The following KCNMA1 variants were observed in gnomAD, a reference collection of about 807,000 sequenced individuals.
The protein encoded by KCNMA1 is Calcium-activated potassium channel subunit alpha-1.
A neutral mutation model predicts 140.0 loss-of-function variants in KCNMA1; 29 were observed. The observed-to-expected ratio is 0.21, with a 90% CI of 0.15 to 0.28. The LOEUF (loss-of-function observed/expected upper bound fraction) is 0.28, where lower values mean the gene tolerates loss of function less well. Among genes scored for constraint, KCNMA1 ranks in the 10% least tolerant of loss-of-function variants. The pLI is 1.00. For missense variants in KCNMA1, 880 were observed against 1,602.2 expected (o/e 0.55, Z 7.70); for synonymous variants, 612 against 611.9 (o/e 1.00, Z 0.00).
intron 1 of KCNMA1, among the ~76,000 whole-genome samples, chr10:77,541,879 T>C (rs988386197): frequency 6.6e-6 from 1 of 152,138 alleles, no homozygotes; most frequent in Non-Finnish European, 1.5e-5. Context: ...CAGCCAGAGT[T>C]GAGAACAACT....
At chr10:77,088,565 G>C (rs2096746373) in intron 10 of KCNMA1, among the ~76,000 whole-genome samples, 1 of 152,006 alleles carries the variant, frequency 6.6e-6, no homozygotes, top group African/African-American at 2.4e-5. Flanking sequence ...GAGTAGCGAG[G>C]GCTACAGGCA....
chr10:77,350,023 C>T lies in KCNMA1; in HGVS notation c.540+53839G>A, dbSNP rs187593715. On this transcript the variant is annotated intron_variant, in intron 2 of 27. Transcript: ENST00000286628. ...AAGCGATTCTCCTGCTTCAGCCTCC[C>T]GAGTAGCTGGGACTACAGGCGCCTG... is the stretch of plus-strand genomic sequence containing the variant. 2.2e-3 allele frequency among the ~76,000 whole-genome samples: 333 copies of T among 152,226 alleles called. 1 individual carries two copies. Among genetic ancestry groups the T allele is most frequent in the African/African-American group, 7.0e-3 (291 of 41,528 alleles).
intron 1 of KCNMA1, among the ~76,000 whole-genome samples, chr10:77,440,061 C>T (rs1408557763): frequency 6.6e-6 from 1 of 152,194 alleles, no homozygotes; most frequent in Non-Finnish European, 1.5e-5. Flanking sequence ...GACACCATAG[C>T]TTCTCCACCA....
chr10:77,312,977 C>T (rs1380608877), intron 2 of KCNMA1, among the ~76,000 whole-genome samples: 6 of 152,146 alleles, frequency 3.9e-5, no homozygotes, highest in Admixed American at 2.6e-4. Context: ...GACACACGGC[C>T]ACTCTCACAA....
At chr10:77,606,658 T>C (rs2084648731) in intron 1 of KCNMA1, among the ~76,000 whole-genome samples, 1 of 152,092 alleles carries the variant, frequency 6.6e-6, no homozygotes, top group South Asian at 2.1e-4. Context: ...AAGACGTCTG[T>C]ATCTGGCAGT....
At chr10:77,019,981 T>C (rs1444285330) in intron 16 of KCNMA1, 1 of 152,132 alleles carries the variant, frequency 6.6e-6, no homozygotes, top group Non-Finnish European at 1.5e-5. Flanking sequence ...ATCTAATAAA[T>C]GGATGAAACA....
chr10:77,600,798 C>G (rs1436405022), intron 1 of KCNMA1, among the ~76,000 whole-genome samples: 1 of 152,128 alleles, frequency 6.6e-6, no homozygotes. Context: ...CATGCACACA[C>G]ACACATACAC....
At chr10:77,383,330 G>A (rs920304757) in intron 2 of KCNMA1, among the ~76,000 whole-genome samples, 4 of 151,776 alleles carry the variant, frequency 2.6e-5, no homozygotes, top group African/African-American at 9.7e-5. Flanking sequence ...TGAAATAAAT[G>A]TGCAGGTGTG....
chr10:77,370,864 CA>C (rs1238692727), intron 2 of KCNMA1, among the ~76,000 whole-genome samples: 1 of 152,194 alleles, frequency 6.6e-6, no homozygotes, highest in Non-Finnish European at 1.5e-5. Context: ...CCCTCTACTT[CA>C]CAGGGTTGTT....
chr10:77,239,554 G>A (rs1387867478), intron 3 of KCNMA1, among the ~76,000 whole-genome samples: 1 of 152,222 alleles, frequency 6.6e-6, no homozygotes, highest in Non-Finnish European at 1.5e-5. Context: ...TCCTGAGAGT[G>A]TCCTGATAGG....
At chr10:77,115,763 T>C (rs549523180) in intron 6 of KCNMA1, among the ~76,000 whole-genome samples, 81 of 152,362 alleles carry the variant, frequency 5.3e-4, no homozygotes, top group African/African-American at 1.9e-3. Flanking sequence ...TCATTGTTGC[T>C]AAAACAGTCC....
intron 1 of KCNMA1, 189 bp downstream of exon 1, chr10:77,637,075 AC>A: frequency 7.5e-7 from 1 of 1,342,250 alleles, no homozygotes; most frequent in Non-Finnish European, 9.8e-7. Context: ...GCAACTCCTC[AC>A]CCCCGGCGCG....
chr10:77,148,957 G>A (rs2098367376), intron 5 of KCNMA1, among the ~76,000 whole-genome samples: 2 of 152,152 alleles, frequency 1.3e-5, no homozygotes, highest in Admixed American at 6.5e-5. Context: ...AGTTCCTTCT[G>A]TTTCCTGCAA....
In KCNMA1 at chr10:76,877,964, T is replaced by C. The variant is rs541566165; in HGVS notation, c.3428-74A>G. 2.5e-5 allele frequency: 37 copies of C among 1,481,704 alleles called. 1 individual carries two copies. The Middle Eastern group carries it at 1.0e-3, about 41-fold the overall frequency. The allele number at this position is 1,481,704 out of a possible 1,614,324, so 91.8% of individuals were successfully genotyped here. On this transcript the variant is annotated intron_variant, in intron 29 of 29. Transcript: ENST00000372403. The stretch of plus-strand genomic sequence containing the variant: ...TTAATTAGTCCTAGGGTAAAGCCTT[T>C]GGAAAGTTCATTGAAAAACGCAAAA...
intron 1 of KCNMA1, among the ~76,000 whole-genome samples, chr10:77,472,976 C>G (rs1567034576): frequency 1.3e-5 from 2 of 152,168 alleles, no homozygotes; most frequent in Admixed American, 6.5e-5. Flanking sequence ...AAACCAAAAC[C>G]CAAATGTGCA....
intron 25 of KCNMA1, among the ~76,000 whole-genome samples, chr10:76,893,663 C>A (rs2041213911): frequency 6.6e-6 from 1 of 152,132 alleles, no homozygotes; most frequent in East Asian, 1.9e-4. Context: ...TTACTTGAAC[C>A]CGGGCGGCAG....
chr10:77,546,104 C>T (rs1043619048), intron 1 of KCNMA1, among the ~76,000 whole-genome samples: 2 of 152,246 alleles, frequency 1.3e-5, no homozygotes, highest in African/African-American at 4.8e-5. Flanking sequence ...GGAACCTCCA[C>T]AGGGAGTCAG....
At chr10:77,128,358 T>C (rs1345192482) in intron 5 of KCNMA1, among the ~76,000 whole-genome samples, 3 of 151,830 alleles carry the variant, frequency 2.0e-5, no homozygotes, top group African/African-American at 7.2e-5. Flanking sequence ...TTCCCTTTTT[T>C]TAAAATTTTT....
At position 77,408,514 on chromosome 10, in the gene KCNMA1, ATGTG is replaced by A. The variant is rs753728070; in HGVS notation, c.379-4495_379-4492del. On this transcript the variant is annotated intron_variant, in intron 1 of 27. Coordinates refer to ENST00000286628, the MANE Select transcript of KCNMA1 (RefSeq NM_001161352.2). ...TGTGTGCATGTCTGAGAATGTGTGC[ATGTG>A]TGTGTGCATCTGTGTGTGTGCTCAC... Among the ~76,000 whole-genome samples the A allele has an allele frequency of 7.1e-4, 108 of 151,354 alleles. 1 individual carries two copies. The East Asian group carries it at 0.02, about 29-fold the overall frequency.
Sources: allele counts gnomAD v4.1 joint callset (sites outside exome capture counted in the v4.1 genomes callset), GRCh38; gene constraint gnomAD v4.1.1; transcripts MANE v1.5; gene names NCBI Gene and HGNC (gene_info 2026-07-23, HGNC 2026-07-21).